Variants in DST observed in about 807,000 individuals in gnomAD.
DST encodes the protein dystonin.
In DST, 253 loss-of-function variants were observed where a neutral mutation model predicts 875.2. The ratio of observed to expected loss-of-function variants is 0.29; its 90% CI spans 0.26 to 0.32. The LOEUF (loss-of-function observed/expected upper bound fraction) is 0.32. Ranked by LOEUF, DST falls within the 10% of genes least tolerant of loss-of-function variation. The pLI, the probability that DST is intolerant of heterozygous loss-of-function variation, is 1.00. For synonymous variants in DST, 3,124 were observed against 3,197.1 expected (o/e 0.98, Z 0.77); for missense variants, 8,287 against 9,111.6 (o/e 0.91, Z 3.68).
chr6:56,630,728 A>G (rs2098771773), intron 30 of DST, among the ~76,000 whole-genome samples: 1 of 152,174 alleles, frequency 6.6e-6, no homozygotes, highest in Non-Finnish European at 1.5e-5. Flanking sequence ...CTCATCTCTG[A>G]AGCACATCCA....
rs371992904 is a variant in DST, at chr6:56,673,294, G to C, written c.1048-2487C>G. Among the ~76,000 whole-genome samples, 32 of 152,046 alleles carry C rather than the reference G, an allele frequency of 2.1e-4. No individual in the cohort carries two copies. In the East Asian group the frequency reaches 5.4e-3, roughly 26 times the overall value. On this transcript the variant is annotated intron_variant, in intron 9 of 103. Coordinates refer to ENST00000680361, the MANE Select transcript of DST (RefSeq NM_001374736.1). Reference sequence around the variant, plus strand: ...AAACAAAAAAAGAAATAAAAGAAAAGAAAAAGTTGAGCCTCTTGGTCTCTA... The same window carrying C: ...AAACAAAAAAAGAAATAAAAGAAAACAAAAAGTTGAGCCTCTTGGTCTCTA...
At chr6:56,951,141 C>A (rs1438483932) in intron 2 of DST, among the ~76,000 whole-genome samples, 1 of 152,160 alleles carries the variant, frequency 6.6e-6, no homozygotes, top group Non-Finnish European at 1.5e-5. Flanking sequence ...CGTGTGGGTA[C>A]CAGAAGCAAT....
At chr6:56,620,796 C>T (rs2098683971) in intron 36 of DST, 2 of 1,322,788 alleles carry the variant, frequency 1.5e-6, no homozygotes, top group East Asian at 4.6e-5. Flanking sequence ...CATAAAAGTA[C>T]TTACAAAACC....
intron 49 of DST, among the ~76,000 whole-genome samples, chr6:56,586,346 T>C (rs1443052716): frequency 1.1e-4 from 16 of 151,934 alleles, no homozygotes; most frequent in Middle Eastern, 3.4e-3. Flanking sequence ...TTTACCATTA[T>C]GTAATGGCCT....
intron 10 of DST, among the ~76,000 whole-genome samples, chr6:56,667,826 T>C (rs1250337167): frequency 6.9e-6 from 1 of 144,066 alleles, no homozygotes; most frequent in Non-Finnish European, 1.5e-5. Flanking sequence ...TATATATATA[T>C]ATACACACAC....
chr6:56,864,217 C>T (rs1772819410), intron 3 of DST: 1 of 152,184 alleles, frequency 6.6e-6, no homozygotes, highest in Non-Finnish European at 1.5e-5. Context: ...AATTTGGACT[C>T]AAGACTGCAA....
intron 69 of DST, among the ~76,000 whole-genome samples, chr6:56,518,320 C>A (rs560270766): frequency 3.8e-4 from 58 of 151,870 alleles, no homozygotes; most frequent in African/African-American, 1.3e-3. Context: ...AAATTAAAAC[C>A]TAGATTTAAC....
At position 56,557,326 on chromosome 6, in the gene DST, T is replaced by G; in HGVS notation, c.14633A>C (p.Gln4878Pro). The change falls in exon 59 of 104, where the codon CAG (glutamine) becomes CCG (proline). Residue 4878 changes from glutamine to proline, a missense_variant. Coordinates refer to ENST00000680361, the MANE Select transcript of DST (RefSeq NM_001374736.1). The stretch of plus-strand genomic sequence containing the variant: ...TTATTAGGTAATACTCACCTGCACC[T>G]GCTGCCTTTGTGTGTTTAGCATATT... ...DPNMLNTQRQQVQILLQEFAT... is the reference protein window; with the variant it reads ...DPNMLNTQRQPVQILLQEFAT... 3 of 1,612,858 alleles carry G rather than the reference T, an allele frequency of 1.9e-6. No individual in the cohort carries two copies. In the African/African-American group the frequency reaches 4.0e-5, roughly 22 times the overall value.
chr6:56,623,498 A>G (rs955642794), intron 36 of DST, among the ~76,000 whole-genome samples: 2 of 152,174 alleles, frequency 1.3e-5, no homozygotes, highest in South Asian at 4.1e-4. Context: ...GCAATTAGCT[A>G]TGTTAGTGAT....
chr6:56,940,191 TACACACACACACACACACACACACAC>T (rs59001581), intron 2 of DST, among the ~76,000 whole-genome samples: 1 of 142,214 alleles, frequency 7.0e-6, no homozygotes, highest in Non-Finnish European at 1.5e-5. Context: ...ATTACCCCCA[TACACACACACACACACACACACACAC>T]ACACACACAC....
chr6:56,546,577 G>C (rs1291861466), intron 61 of DST, among the ~76,000 whole-genome samples: 2 of 151,320 alleles, frequency 1.3e-5, no homozygotes. Flanking sequence ...TGTGAGAATA[G>C]GATCTGTGAG....
chr6:56,715,850 C>T (rs144412703), intron 5 of DST, among the ~76,000 whole-genome samples: 146 of 152,308 alleles, frequency 9.6e-4, no homozygotes, highest in African/African-American at 3.2e-3. Context: ...TCATTCATTT[C>T]CCCTGAAAAT....
At chr6:56,740,455 G>A (rs1398386682) in intron 4 of DST, among the ~76,000 whole-genome samples, 1 of 152,216 alleles carries the variant, frequency 6.6e-6, no homozygotes, top group Non-Finnish European at 1.5e-5. Context: ...ATCCAGGGCA[G>A]TCAGGTGGGG....
chr6:56,838,281 A>G (rs1300096448), intron 4 of DST, among the ~76,000 whole-genome samples: 2 of 152,210 alleles, frequency 1.3e-5, no homozygotes, highest in Non-Finnish European at 2.9e-5. Context: ...CAGCCTAGAT[A>G]TTCCATCTTG....
intron 102 of DST, 31 bp downstream of exon 102, chr6:56,463,015 G>A (rs1391676052): frequency 1.5e-6 from 2 of 1,306,072 alleles, no homozygotes; most frequent in African/African-American, 2.9e-5. Context: ...AAAGGAGAAT[G>A]TTAAGACTGG....
At chr6:56,921,824 C>T (rs1395163585) in intron 2 of DST, among the ~76,000 whole-genome samples, 1 of 151,812 alleles carries the variant, frequency 6.6e-6, no homozygotes, top group East Asian at 1.9e-4. Context: ...ATATTTATCT[C>T]CAACATATAA....
Position 56,589,259 on chromosome 6 carries a change from C to T in DST, c.12903+2923G>A, listed in dbSNP as rs535771063. 3.3e-5 allele frequency among the ~76,000 whole-genome samples: 5 copies of T among 152,296 alleles called. No homozygotes were observed. In the South Asian group the frequency reaches 1.0e-3, roughly 32 times the overall value. On this transcript the variant is annotated intron_variant, in intron 49 of 103. Transcript: ENST00000680361. ...GTGCATTATAAAAGAAGCATGTCTTCTTCACCTCTTCTTCTCAAAACATCA... is the reference window on the plus strand; with the variant it reads ...GTGCATTATAAAAGAAGCATGTCTTTTTCACCTCTTCTTCTCAAAACATCA...
rs374656762 is a variant in DST at position 56,574,973 on chromosome 6, G to T, written c.13028-1086C>A. Among the ~76,000 whole-genome samples, 503 of 152,198 alleles carry T rather than the reference G, an allele frequency of 3.3e-3. 2 individuals are homozygous for T. Among genetic ancestry groups the T allele is most frequent in the African/African-American group, 0.012 (485 of 41,530 alleles). ...ATCTATACAACAAAATAATATAATT[G>T]TTCTAATGCTACAACATGAGAAAAC... On this transcript the variant is annotated intron_variant, in intron 50 of 103. Transcript: ENST00000680361.
At chr6:56,477,530 C>T (rs1461138102) in intron 90 of DST, 42 bp from the exon 91 acceptor site, 1 of 1,610,496 alleles carries the variant, frequency 6.2e-7, no homozygotes, top group Admixed American at 1.7e-5. Context: ...TTGGCATTGG[C>T]TGAAAACAAA....
Sources: gnomAD v4.1 joint callset for allele counts (sites outside exome capture counted in the v4.1 genomes callset) on GRCh38, gnomAD v4.1.1 for gene constraint, MANE v1.5 for transcripts, NCBI Gene and HGNC (gene_info 2026-07-23, HGNC 2026-07-21) for gene names.